The following TCF20 variants were observed in gnomAD, a reference collection of about 807,000 sequenced individuals.
The protein encoded by TCF20 is SPRE-binding protein.
A neutral mutation model predicts 148.6 loss-of-function variants in TCF20; 3 were observed. That is an observed-to-expected ratio of 0.02 (90% CI 0.01 to 0.05). The LOEUF (loss-of-function observed/expected upper bound fraction) is 0.05, where lower values mean the gene tolerates loss of function less well. Ranked by LOEUF, TCF20 falls within the 10% of genes least tolerant of loss-of-function variation. TCF20 has a pLI of 1.00. For missense variants in TCF20, 2,350 were observed against 2,429.3 expected (o/e 0.97, Z 0.69); for synonymous variants, 1,049 against 909.5 (o/e 1.15, Z -2.76).
chr22:42,333,305 T>C (rs907149396), intron 1 of TCF20, among the ~76,000 whole-genome samples: 1 of 151,858 alleles, frequency 6.6e-6, no homozygotes, highest in Non-Finnish European at 1.5e-5. Flanking sequence ...TAGAGGATGG[T>C]GCACCAGGGC....
chr22:42,292,660 C>A lies in TCF20; in HGVS notation c.-37+50819G>T, dbSNP rs975313041. ...GGTGTTTAAGCAGGAACTTGGAGGA[C>A]AAGGAGGCCTGTTTGAGCTGCAAAG... On this transcript the variant is annotated intron_variant, in intron 1 of 1. Transcript: ENST00000515426. The surrounding 1 kb of genome is among the most constrained non-coding windows in gnomAD (Gnocchi z 4.9). Among the ~76,000 whole-genome samples the A allele has an allele frequency of 6.6e-6, 1 of 152,020 alleles. No individual in the cohort carries two copies. Among genetic ancestry groups the A allele is most frequent in the Non-Finnish European group, 1.5e-5 (1 of 68,004 alleles).
At chr22:42,274,890 A>G (rs1022873645), upstream of TCF20, 1 of 152,298 alleles carries the variant, frequency 6.6e-6, no homozygotes, top group Non-Finnish European at 1.5e-5. Context: ...CAGGCTTACT[A>G]TGAACCAGGC....
At chr22:42,185,141 CAG>C (rs1178693554) in intron 2 of TCF20, among the ~76,000 whole-genome samples, 3 of 152,220 alleles carry the variant, frequency 2.0e-5, no homozygotes, top group Non-Finnish European at 4.4e-5. Flanking sequence ...AGAGCAGCCT[CAG>C]AACACCAAAG....
intron 3 of TCF20, among the ~76,000 whole-genome samples, chr22:42,175,098 C>T (rs1267522829): frequency 6.6e-6 from 1 of 152,160 alleles, no homozygotes; most frequent in Non-Finnish European, 1.5e-5. Context: ...ACTGCTCCCC[C>T]TCTTTCCTGG....
intron 2 of TCF20, among the ~76,000 whole-genome samples, chr22:42,199,339 T>C (rs923787709): frequency 6.6e-6 from 1 of 152,154 alleles, no homozygotes; most frequent in Non-Finnish European, 1.5e-5. Flanking sequence ...GAGCGACGAT[T>C]CCCACTTCAG....
intron 1 of TCF20, among the ~76,000 whole-genome samples, chr22:42,227,685 C>T (rs909261922): frequency 1.3e-5 from 2 of 152,212 alleles, no homozygotes; most frequent in African/African-American, 4.8e-5. Flanking sequence ...CTTTTCTCTT[C>T]CTGACTTCCA....
chr22:42,226,014 A>G lies in TCF20; in HGVS notation c.-36-10673T>C, dbSNP rs139960045. ...CCTATATCCACCACATGCTTCTGTA[A>G]CTCTGCAAGGAGATGCTATAAATCT... On this transcript the variant is annotated intron_variant, in intron 1 of 5. Coordinates refer to ENST00000677622, the MANE Select transcript of TCF20 (RefSeq NM_001378418.1). Among the ~76,000 whole-genome samples, 653 of 152,298 alleles carry G rather than the reference A, an allele frequency of 4.3e-3. 11 individuals are homozygous for G. Among genetic ancestry groups the G allele is most frequent in the African/African-American group, 0.015 (630 of 41,550 alleles).
chr22:42,195,990 C>T (rs1937587862), intron 2 of TCF20, among the ~76,000 whole-genome samples: 1 of 152,222 alleles, frequency 6.6e-6, no homozygotes, highest in Non-Finnish European at 1.5e-5. Context: ...GGGAGCCTAT[C>T]TGGTGAGGAC....
chr22:42,310,445 G>T (rs188232080), intron 1 of TCF20, among the ~76,000 whole-genome samples: 6 of 145,030 alleles, frequency 4.1e-5, no homozygotes, highest in Non-Finnish European at 9.1e-5. Flanking sequence ...GGTTGTGCGG[G>T]GGGGAGTAAG....
rs181900452 is a variant in TCF20 at position 42,243,467 on chromosome 22, T to C, written c.-37+26872A>G. Among the ~76,000 whole-genome samples the C allele has an allele frequency of 1.5e-3, 228 of 151,808 alleles. 1 individual carries two copies. The highest frequency in any genetic ancestry group is 0.014 in the Middle Eastern group (4 of 294). On this transcript the variant is annotated intron_variant, in intron 1 of 5. Coordinates refer to ENST00000677622, the MANE Select transcript of TCF20 (RefSeq NM_001378418.1). ...AAAATATAAAAATTAGCAGGCATGG[T>C]GGTGGGTGCCTGTAATCCCAGCTAC...
At chr22:42,246,585 T>C (rs959811582) in intron 1 of TCF20, among the ~76,000 whole-genome samples, 4 of 152,234 alleles carry the variant, frequency 2.6e-5, no homozygotes, top group African/African-American at 4.8e-5. Context: ...TGTTCATGTG[T>C]TCAATGCACC....
At chr22:42,325,317 C>G (rs1298159095) in intron 1 of TCF20, among the ~76,000 whole-genome samples, 1 of 152,252 alleles carries the variant, frequency 6.6e-6, no homozygotes, top group Non-Finnish European at 1.5e-5. Context: ...CCCAGGCTGG[C>G]TCTGAGAGGC....
chr22:42,192,783 G>A (rs1354241962), intron 2 of TCF20, among the ~76,000 whole-genome samples: 1 of 152,128 alleles, frequency 6.6e-6, no homozygotes, highest in Non-Finnish European at 1.5e-5. Context: ...TGCTCAAACC[G>A]GGGCCTTTTC....
intron 2 of TCF20, among the ~76,000 whole-genome samples, chr22:42,180,867 C>T (rs1402541648): frequency 2.0e-5 from 3 of 152,334 alleles, no homozygotes; most frequent in Non-Finnish European, 2.9e-5. Flanking sequence ...CTCTGGCATC[C>T]TCCAGAGACA....
intron 1 of TCF20, among the ~76,000 whole-genome samples, chr22:42,242,605 G>A (rs567149065): frequency 3.6e-4 from 55 of 151,984 alleles, no homozygotes; most frequent in East Asian, 1.4e-3. Flanking sequence ...CTCTCTACCC[G>A]GCCAGGCGAG....
intron 2 of TCF20, among the ~76,000 whole-genome samples, chr22:42,201,990 A>C (rs933049901): frequency 6.6e-6 from 1 of 152,162 alleles, no homozygotes; most frequent in African/African-American, 2.4e-5. Context: ...TTCATAAGAC[A>C]TAATATTAAT....
upstream of TCF20, among the ~76,000 whole-genome samples, chr22:42,285,964 C>T (rs1340421582): frequency 1.3e-5 from 2 of 152,158 alleles, no homozygotes; most frequent in Non-Finnish European, 2.9e-5. This position sits in a 1 kb window ranked among gnomAD's most constrained non-coding sequence, Gnocchi z 4.2. Flanking sequence ...GCTCATATGC[C>T]GTGTCCTGTA....
At chr22:42,310,279 A>C (rs1057327790) in intron 1 of TCF20, among the ~76,000 whole-genome samples, 1 of 152,184 alleles carries the variant, frequency 6.6e-6, no homozygotes, top group Admixed American at 6.5e-5. Flanking sequence ...TGGCACATTC[A>C]TCTAACACTT....
At chr22:42,326,375 T>C (rs1927875838) in intron 1 of TCF20, among the ~76,000 whole-genome samples, 1 of 152,190 alleles carries the variant, frequency 6.6e-6, no homozygotes, top group South Asian at 2.1e-4. Flanking sequence ...GAAGCCGCCC[T>C]GTGACAATGC....
Sources: allele counts gnomAD v4.1 joint callset (sites outside exome capture counted in the v4.1 genomes callset), GRCh38; gene constraint gnomAD v4.1.1; non-coding constraint Gnocchi (gnomAD v3.1); transcripts MANE v1.5; gene names NCBI Gene and HGNC (gene_info 2026-07-23, HGNC 2026-07-21).